The following PPP1R13L variants were observed in gnomAD, a reference collection of about 807,000 sequenced individuals.
The protein encoded by PPP1R13L is protein phosphatase 1 regulatory subunit 13 like.
PPP1R13L carries 50 observed loss-of-function variants against 80.9 expected under a neutral mutation model. The observed-to-expected ratio is 0.62, with a 90% CI of 0.49 to 0.78. PPP1R13L has a LOEUF of 0.78. Among genes scored for constraint, PPP1R13L ranks in the 30% least tolerant of loss-of-function variants. The pLI, the probability that PPP1R13L is intolerant of heterozygous loss-of-function variation, is 0.00. For missense variants in PPP1R13L, 1,200 were observed against 1,205.9 expected (o/e 1.00, Z 0.07); for synonymous variants, 602 against 534.3 (o/e 1.13, Z -1.75).
At position 45,385,829 on chromosome 19, in the gene PPP1R13L, G is replaced by C. The variant is rs1972856052; in HGVS notation, c.2076C>G (p.His692Gln). ...CCGCGCGGGTCGGGGCTCACCAGCC[G>C]TGGCTGTCGGGGGAGTTGACATTGG... ...AGANVNSPDS[H>Q]GWTPLHCAAS... The change falls in exon 10 of 13, where the codon CAC becomes CAG. Residue 692 changes from histidine to glutamine, a missense_variant. Coordinates refer to ENST00000360957, the MANE Select transcript of PPP1R13L (RefSeq NM_006663.4). The C allele has an allele frequency of 6.2e-7, 1 of 1,611,020 alleles. No individual in the cohort carries two copies. Among genetic ancestry groups the C allele is most frequent in the Non-Finnish European group, 8.5e-7 (1 of 1,178,962 alleles).
chr19:45,402,535 GA>G (rs1973253916), intron 1 of PPP1R13L, among the ~76,000 whole-genome samples: 1 of 152,248 alleles, frequency 6.6e-6, no homozygotes, highest in Non-Finnish European at 1.5e-5. Context: ...CAGGAGGGCG[GA>G]CTGCGCCTGA....
chr19:45,392,167 C>T lies in PPP1R13L; in HGVS notation c.1528G>A (p.Val510Met). The T allele has an allele frequency of 6.2e-7, 1 of 1,604,158 alleles. No individual in the cohort carries two copies. The highest frequency in any genetic ancestry group is 8.5e-7 in the Non-Finnish European group (1 of 1,174,002). ...GGAATTTCCGCCAACACCCGTGCCACCTCCTCCAGCTCGGGCACCGACTGT... is the reference window on the plus strand; with the variant it reads ...GGAATTTCCGCCAACACCCGTGCCATCTCCTCCAGCTCGGGCACCGACTGT... Reference protein sequence around the residue: ...EAQSVPELEEVARVLAEIPRP... With the variant: ...EAQSVPELEEMARVLAEIPRP... Residue 510 changes from valine to methionine, a missense_variant, in exon 8 of 13, where the codon GTG becomes ATG. Physicochemically the swap from Val to Met is conservative, Grantham distance 21 (BLOSUM62 1). This residue lies in a region of PPP1R13L where 53 missense variants were observed against 96.5 expected (regional missense o/e 0.55). Transcript: ENST00000360957.
At chr19:45,406,149 G>T, upstream of PPP1R13L, 1 of 350,004 alleles carries the variant, frequency 2.9e-6, no homozygotes, top group Non-Finnish European at 4.0e-6. This position sits in a 1 kb window ranked among gnomAD's most constrained non-coding sequence, Gnocchi z 4.2. Flanking sequence ...CCCCTGGCTG[G>T]AACTTCACGC....
chr19:45,398,512 T>C (rs973956870), intron 1 of PPP1R13L, among the ~76,000 whole-genome samples, 173 bp from the exon 2 acceptor site: 4 of 151,536 alleles, frequency 2.6e-5, no homozygotes. Context: ...CAAAGCCAAG[T>C]CCATGCGCCA....
At chr19:45,402,599 G>A (rs1456174734) in intron 1 of PPP1R13L, among the ~76,000 whole-genome samples, 1 of 152,220 alleles carries the variant, frequency 6.6e-6, no homozygotes, top group African/African-American at 2.4e-5. Flanking sequence ...TACATCCCGG[G>A]GCAAGGGAGC....
chr19:45,391,222 G>C (rs1170093805), intron 8 of PPP1R13L, among the ~76,000 whole-genome samples: 1 of 151,464 alleles, frequency 6.6e-6, no homozygotes, highest in African/African-American at 2.4e-5. Flanking sequence ...ATAGAGGAGA[G>C]AGCAGAGCAG....
chr19:45,382,473 T>C, intron 12 of PPP1R13L, 54 bp downstream of exon 12: 1 of 1,577,388 alleles, frequency 6.3e-7, no homozygotes, highest in Non-Finnish European at 8.7e-7. Context: ...GGATCCCCCT[T>C]TTCCCCAACC....
Position 45,386,170 on chromosome 19 carries a change from G to T in PPP1R13L, c.1826C>A (p.Ser609Tyr), listed in dbSNP as rs760230825. 3 of 1,527,182 alleles carry T rather than the reference G, an allele frequency of 2.0e-6. No homozygotes were observed. The highest frequency in any genetic ancestry group is 2.6e-6 in the Non-Finnish European group (3 of 1,151,554). 94.6% of individuals were successfully genotyped at this position (1,527,182 alleles called of 1,614,324 possible). Residue 609 changes from serine to tyrosine, a missense_variant, in exon 9 of 13, where the codon TCT (serine) becomes TAT (tyrosine). By Grantham distance (144) the Ser-to-Tyr change is moderately radical. Around this residue, in one of 5 missense-constraint regions of PPP1R13L, gnomAD observed 214 missense variants for 199.6 expected, o/e 1.07. Transcript: ENST00000360957. ...CGGGGAGCCCGCCTTCCGCAGCACA[G>T]AGCGCATCTCCTGGGGGACAGGGCG... Reference protein sequence around the residue: ...PEQPQSMEMRSVLRKAGSPRK... With the variant: ...PEQPQSMEMRYVLRKAGSPRK...
chr19:45,392,199 G>C lies in PPP1R13L; in HGVS notation c.1496C>G (p.Pro499Arg), dbSNP rs754955714. The change falls in exon 8 of 13, where the codon CCG (proline) becomes CGG (arginine). Residue 499 changes from proline to arginine, a missense_variant. Physicochemically the swap from Pro to Arg is moderately radical, Grantham distance 103. Coordinates refer to ENST00000360957, the MANE Select transcript of PPP1R13L (RefSeq NM_006663.4). ...SPTRLQPALP[P>R]EAQSVPELEE... Reference sequence around the variant, plus strand: ...CAGCTCGGGCACCGACTGTGCCTCCGGTGGCAGTGCTGGCTGCAGCCTCGT... The same window carrying C: ...CAGCTCGGGCACCGACTGTGCCTCCCGTGGCAGTGCTGGCTGCAGCCTCGT... 1 of 1,611,642 alleles carries C rather than the reference G, an allele frequency of 6.2e-7. No homozygotes were observed. The highest frequency in any genetic ancestry group is 1.7e-5 in the Admixed American group (1 of 59,904).
In PPP1R13L at chr19:45,395,455, T is replaced by A. The variant is rs1306591524; in HGVS notation, c.1335A>T (p.Thr445=). 16 of 1,438,860 alleles carry A rather than the reference T, an allele frequency of 1.1e-5. No homozygotes were observed. The highest frequency in any genetic ancestry group is 2.1e-5 in the Admixed American group (1 of 48,484). The allele number at this position is 1,438,860 out of a possible 1,614,324, so 89.1% of individuals were successfully genotyped here. The part of the protein sequence containing the change: ...PTPAPQHPQQ[T]WPPVNEGPPK... Reference sequence around the variant, plus strand: ...ACTCACCTTCGTTCACAGGGGGCCATGTCTGTTGGGGATGCTGGGGGGCTG... The same window carrying A: ...ACTCACCTTCGTTCACAGGGGGCCAAGTCTGTTGGGGATGCTGGGGGGCTG... The change falls in exon 7 of 13, where the codon ACA becomes ACT. Residue 445 remains threonine, a synonymous_variant. Transcript: ENST00000360957.
At chr19:45,386,232 C>T in intron 8 of PPP1R13L, 52 bp from the exon 9 acceptor site, 1 of 1,451,758 alleles carries the variant, frequency 6.9e-7, no homozygotes, top group African/African-American at 1.4e-5. Context: ...TTAGTATATC[C>T]ATGATCTAGA....
chr19:45,404,358 C>T (rs1207005611), intron 1 of PPP1R13L, among the ~76,000 whole-genome samples: 3 of 152,196 alleles, frequency 2.0e-5, no homozygotes. Context: ...TCTGGTTAGG[C>T]AGGTCTGACG....
chr19:45,391,129 C>T (rs1045242228), intron 8 of PPP1R13L, among the ~76,000 whole-genome samples: 23 of 150,962 alleles, frequency 1.5e-4, no homozygotes, highest in Admixed American at 6.0e-4. Context: ...ACCTGGGAGG[C>T]GGAGGTTGCA....
chr19:45,405,435 C>T (rs996309180), upstream of PPP1R13L, among the ~76,000 whole-genome samples: 4 of 152,172 alleles, frequency 2.6e-5, no homozygotes, highest in African/African-American at 9.7e-5. Context: ...ATAAAAAGCG[C>T]GGGTTGGATC....
rs186085995 is a variant in PPP1R13L, at chr19:45,390,676, T to C, written c.1815+1204A>G. ...GAATAAAAACCTCTTCCTTCTTTAATCCGGTGTCTGAGGAGTTTTGTCTGT... is the reference window on the plus strand; with the variant it reads ...GAATAAAAACCTCTTCCTTCTTTAACCCGGTGTCTGAGGAGTTTTGTCTGT... On this transcript the variant is annotated intron_variant, in intron 8 of 12. Coordinates refer to ENST00000360957, the MANE Select transcript of PPP1R13L (RefSeq NM_006663.4). Among the ~76,000 whole-genome samples, 174 of 152,250 alleles carry C rather than the reference T, an allele frequency of 1.1e-3. 1 individual carries two copies. Among genetic ancestry groups the C allele is most frequent in the East Asian group, 8.4e-3 (43 of 5,140 alleles).
upstream of PPP1R13L, among the ~76,000 whole-genome samples, chr19:45,405,793 CT>C (rs1329515222): frequency 6.6e-6 from 1 of 152,214 alleles, no homozygotes; most frequent in African/African-American, 2.4e-5. Flanking sequence ...TCGGGTCACC[CT>C]GTCTAGCCAC....
chr19:45,400,120 G>A (rs1454515105), intron 1 of PPP1R13L, among the ~76,000 whole-genome samples: 2 of 151,938 alleles, frequency 1.3e-5, no homozygotes, highest in African/African-American at 2.4e-5. Flanking sequence ...TTTCACACCC[G>A]CATCTAACTT....
At chr19:45,384,297 G>A (rs1457275554) in intron 11 of PPP1R13L, among the ~76,000 whole-genome samples, 3 of 147,026 alleles carry the variant, frequency 2.0e-5, no homozygotes, top group South Asian at 4.3e-4. Flanking sequence ...AAGGCAGGCG[G>A]ATCCTCTGAG....
intron 12 of PPP1R13L, among the ~76,000 whole-genome samples, chr19:45,380,848 A>G (rs1972748611): frequency 9.3e-6 from 1 of 107,622 alleles, no homozygotes; most frequent in South Asian, 2.8e-4. Context: ...ACACACACAC[A>G]CAGAAAAAAA....
Sources: allele counts gnomAD v4.1 joint callset (sites outside exome capture counted in the v4.1 genomes callset), GRCh38; gene constraint gnomAD v4.1.1; regional missense constraint gnomAD v4.1.1; non-coding constraint Gnocchi (gnomAD v3.1); transcripts MANE v1.5; gene names NCBI Gene and HGNC (gene_info 2026-07-23, HGNC 2026-07-21).